The following SUFU variants were observed in gnomAD, a reference collection of about 807,000 sequenced individuals.
SUFU encodes suppressor of fused homolog.
A neutral mutation model predicts 58.9 loss-of-function variants in SUFU; 7 were observed. That is an observed-to-expected ratio of 0.12 (90% CI 0.07 to 0.22). The LOEUF is 0.22. Ranked by LOEUF, SUFU falls within the 10% of genes least tolerant of loss-of-function variation. The pLI, the probability that SUFU is intolerant of heterozygous loss-of-function variation, is 1.00. For synonymous variants in SUFU, 232 were observed against 254.8 expected, an observed-to-expected ratio of 0.91 and a Z score of 0.85; for missense variants, 451 against 641.3, an observed-to-expected ratio of 0.70 and a Z score of 3.20.
intron 2 of SUFU, among the ~76,000 whole-genome samples, chr10:102,533,221 C>T (rs2062696613): frequency 6.6e-6 from 1 of 152,102 alleles, no homozygotes. Context: ...ACAATATACA[C>T]TTATTGTGTT....
intron 8 of SUFU, among the ~76,000 whole-genome samples, chr10:102,608,583 G>A (rs573282026): frequency 2.0e-5 from 3 of 152,268 alleles, no homozygotes; most frequent in Admixed American, 2.0e-4. Context: ...GATAATGGGG[G>A]GAACTTGGCT....
At chr10:102,545,299 T>A (rs2062843764) in intron 2 of SUFU, among the ~76,000 whole-genome samples, 1 of 148,896 alleles carries the variant, frequency 6.7e-6, no homozygotes, top group African/African-American at 2.5e-5. Context: ...TTGTATTTTT[T>A]TTTTTTTTTT....
intron 3 of SUFU, chr10:102,573,149 T>C: frequency 1.3e-6 from 1 of 773,808 alleles, no homozygotes; most frequent in Non-Finnish European, 2.3e-6. Flanking sequence ...CAACACTGCC[T>C]TCTTGGCCTT....
chr10:102,526,737 C>T (rs1261640839), intron 2 of SUFU, among the ~76,000 whole-genome samples: 3 of 152,026 alleles, frequency 2.0e-5, no homozygotes, highest in East Asian at 3.9e-4. Context: ...ACTCTAGGGC[C>T]ACCGTTCACA....
intron 2 of SUFU, among the ~76,000 whole-genome samples, chr10:102,533,002 G>T (rs550621637): frequency 5.9e-4 from 90 of 152,126 alleles, no homozygotes; most frequent in Non-Finnish European, 1.2e-3. Context: ...GAAGGCTAAC[G>T]CATGGTGTGG....
rs747625757 is a variant in SUFU at position 102,589,442 on chromosome 10, C to CTTTTTTTTTTTTT, written c.455-3131_455-3119dup. The stretch of plus-strand genomic sequence containing the variant: ...CAATCTGGAAGTATTTTCTTTCTTT[C>CTTTTTTTTTTTTT]TTTTTTTTTTTTTTTTTTTTTGAGA... On this transcript the variant is annotated intron_variant, in intron 3 of 11. Transcript: ENST00000369902. Among the ~76,000 whole-genome samples, 626 of 65,362 alleles carry CTTTTTTTTTTTTT rather than the reference C, an allele frequency of 9.6e-3. 95 individuals carry two copies. The highest frequency in any genetic ancestry group is 0.011 in the African/African-American group (176 of 16,002). The allele number at this position is 65,362 out of a possible 152,430, so 42.9% of individuals were successfully genotyped here. A position where few individuals can be genotyped will look rare whatever the true frequency, so the allele number is the denominator to read the frequency against.
intron 2 of SUFU, among the ~76,000 whole-genome samples, chr10:102,515,989 G>GGCCCAACAGGGACTCTCCAGA (rs1399638938): frequency 1.3e-5 from 2 of 152,094 alleles, no homozygotes; most frequent in African/African-American, 2.4e-5. Flanking sequence ...TGTGGGGCAG[G>GGCCCAACAGGGACTCTCCAGA]GCCCAACAGG....
intron 6 of SUFU, among the ~76,000 whole-genome samples, chr10:102,595,356 C>T (rs2135876250): frequency 6.6e-6 from 1 of 152,346 alleles, no homozygotes; most frequent in Non-Finnish European, 1.5e-5. Flanking sequence ...TTTCAAACTG[C>T]TGCCAGGATC....
chr10:102,590,228 C>T (rs1172902863), intron 3 of SUFU, among the ~76,000 whole-genome samples: 1 of 129,402 alleles, frequency 7.7e-6, no homozygotes, highest in African/African-American at 2.9e-5. Flanking sequence ...TGCAGTGGCG[C>T]AATCTCTGCT....
intron 2 of SUFU, among the ~76,000 whole-genome samples, chr10:102,528,640 G>A (rs1011527230): frequency 6.6e-6 from 1 of 152,184 alleles, no homozygotes; most frequent in African/African-American, 2.4e-5. Context: ...GCCCAGGACA[G>A]AGTTAAGCTG....
chr10:102,566,039 G>T (rs2063086126), intron 3 of SUFU, among the ~76,000 whole-genome samples: 1 of 152,198 alleles, frequency 6.6e-6, no homozygotes, highest in Non-Finnish European at 1.5e-5. Context: ...AGAGATTGCC[G>T]CTGGAGAGTT....
intron 8 of SUFU, among the ~76,000 whole-genome samples, chr10:102,602,779 T>G (rs904331512): frequency 6.6e-6 from 1 of 152,220 alleles, no homozygotes. Flanking sequence ...TCCCACTGCC[T>G]TCCCGGAAGG....
intron 2 of SUFU, among the ~76,000 whole-genome samples, chr10:102,513,377 A>G (rs2062424963): frequency 6.6e-6 from 1 of 152,146 alleles, no homozygotes; most frequent in African/African-American, 2.4e-5. Flanking sequence ...TCTTCTCTTC[A>G]GCAAAAAAGG....
rs527801219 is a variant in SUFU, at chr10:102,569,513, A to C, written c.454+19407A>C. 2.6e-5 allele frequency among the ~76,000 whole-genome samples: 4 copies of C among 152,076 alleles called. No homozygotes were observed. The South Asian group carries it at 6.2e-4, about 24-fold the overall frequency. ...ACCCTCACAACTCAGTCCCTTCTCT[A>C]TCTCTCCAAGCAGGTAGAAATGTCC... is the stretch of plus-strand genomic sequence containing the variant. On this transcript the variant is annotated intron_variant, in intron 3 of 11. Coordinates refer to ENST00000369902, the MANE Select transcript of SUFU (RefSeq NM_016169.4).
intron 3 of SUFU, among the ~76,000 whole-genome samples, chr10:102,577,087 T>TC (rs1159082686): frequency 1.6e-4 from 11 of 69,752 alleles, no homozygotes; most frequent in East Asian, 1.2e-3. Flanking sequence ...TTTCTTTTCT[T>TC]TTTTTTTTTT....
At chr10:102,503,876 T>C, upstream of SUFU, 2 of 424,520 alleles carry the variant, frequency 4.7e-6, no homozygotes, top group East Asian at 4.3e-5. Flanking sequence ...CTTCCCTGCC[T>C]GTGACTGGCA....
intron 2 of SUFU, among the ~76,000 whole-genome samples, chr10:102,541,697 CTTTTTTTTTTT>C (rs869264798): frequency 1.8e-5 from 1 of 56,086 alleles, no homozygotes; most frequent in African/African-American, 7.3e-5. Flanking sequence ...CCGCGCCCGG[CTTTTTTTTTTT>C]TTTTTTTTTT....
chr10:102,631,898 C>CG lies in SUFU; in HGVS notation c.*1746dup. 1 of 233,374 alleles carries CG rather than the reference C, an allele frequency of 4.3e-6. No homozygotes were observed. The highest frequency in any genetic ancestry group is 5.6e-5 in the Admixed American group (1 of 17,794). 14.5% of individuals were successfully genotyped at this position (233,374 alleles called of 1,614,324 possible). On this transcript the variant is annotated 3_prime_UTR_variant, in exon 12 of 12. Transcript: ENST00000369902. ...CCCGCCAGCCAAGATGCAAGCCACTCGGGACCTGATGTCGGCAGCTGTGCC... is the reference window on the plus strand; with the variant it reads ...CCCGCCAGCCAAGATGCAAGCCACTCGGGGACCTGATGTCGGCAGCTGTGCC...
chr10:102,588,392 C>CAA (rs201096208), intron 3 of SUFU, among the ~76,000 whole-genome samples: 90 of 91,606 alleles, frequency 9.8e-4, no homozygotes, highest in East Asian at 5.3e-3. Flanking sequence ...GACTCTGTCT[C>CAA]AAAAAAAAAA....
Sources: gnomAD v4.1 joint callset for allele counts (sites outside exome capture counted in the v4.1 genomes callset) on GRCh38, gnomAD v4.1.1 for gene constraint, MANE v1.5 for transcripts, NCBI Gene and HGNC (gene_info 2026-07-23, HGNC 2026-07-21) for gene names.